The following SORCS1 variants were observed in gnomAD, a reference collection of about 807,000 sequenced individuals.
SORCS1 encodes sortilin related VPS10 domain containing receptor 1.
SORCS1 carries 60 observed loss-of-function variants against 146.1 expected under a neutral mutation model. The observed-to-expected ratio is 0.41, with a 90% CI of 0.33 to 0.51. The LOEUF (loss-of-function observed/expected upper bound fraction) is 0.51. SORCS1 is among the 20% of genes least tolerant of loss of function. SORCS1 has a pLI of 0.21. For missense variants in SORCS1, 1,352 were observed against 1,487.6 expected (o/e 0.91, Z 1.50); for synonymous variants, 637 against 584.0 (o/e 1.09, Z -1.31).
intron 1 of SORCS1, among the ~76,000 whole-genome samples, chr10:107,006,481 G>A (rs576863044): frequency 6.6e-5 from 10 of 152,324 alleles, no homozygotes; most frequent in African/African-American, 2.4e-4. Flanking sequence ...GTTTCTTTCT[G>A]GAAGGCAAAA....
intron 1 of SORCS1, among the ~76,000 whole-genome samples, chr10:106,978,033 T>C (rs1446520154): frequency 6.6e-6 from 1 of 152,186 alleles, no homozygotes; most frequent in African/African-American, 2.4e-5. Flanking sequence ...AACCTCTGCC[T>C]CCTGGGTTCA....
intron 22 of SORCS1, among the ~76,000 whole-genome samples, chr10:106,611,339 C>T (rs1465621341): frequency 6.6e-6 from 1 of 152,146 alleles, no homozygotes; most frequent in Non-Finnish European, 1.5e-5. Context: ...ACTTCAGTTG[C>T]CTCATCTACA....
At chr10:107,050,052 T>C (rs1213572759) in intron 1 of SORCS1, among the ~76,000 whole-genome samples, 1 of 152,210 alleles carries the variant, frequency 6.6e-6, no homozygotes, top group Non-Finnish European at 1.5e-5. Flanking sequence ...TCAAGGAATC[T>C]GGCCCACTAA....
chr10:106,757,062 T>C (rs146896911), intron 5 of SORCS1, among the ~76,000 whole-genome samples: 48 of 152,306 alleles, frequency 3.2e-4, no homozygotes, highest in Middle Eastern at 3.4e-3. Flanking sequence ...TTGTGTGCAG[T>C]AGGGTCTTGA....
chr10:107,089,989 C>T (rs1046502089), intron 1 of SORCS1, among the ~76,000 whole-genome samples: 1 of 152,164 alleles, frequency 6.6e-6, no homozygotes, highest in African/African-American at 2.4e-5. Flanking sequence ...AATGATCCAT[C>T]GACCCACCAA....
chr10:106,862,703 T>C (rs1409180158), intron 2 of SORCS1, among the ~76,000 whole-genome samples: 1 of 144,454 alleles, frequency 6.9e-6, no homozygotes, highest in East Asian at 2.1e-4. Context: ...CCCAGCACTT[T>C]GGGAGGCCGA....
intron 9 of SORCS1, among the ~76,000 whole-genome samples, chr10:106,697,508 C>T (rs17121228): frequency 0.024 from 3,631 of 151,968 alleles, 88 homozygotes; most frequent in East Asian, 0.089. Flanking sequence ...AAGAATGTCA[C>T]GTGGCTGCAC....
Position 106,576,153 on chromosome 10 carries a change from G to C in SORCS1, c.*1267C>G, listed in dbSNP as rs1288784928. 2 of 152,292 alleles carry C rather than the reference G, an allele frequency of 1.3e-5. No homozygotes were observed. Among genetic ancestry groups the C allele is most frequent in the Non-Finnish European group, 2.9e-5 (2 of 68,108 alleles). The allele number at this position is 152,292 out of a possible 1,614,324, so 9.4% of individuals were successfully genotyped here. On this transcript the variant is annotated 3_prime_UTR_variant, in exon 26 of 26. Coordinates refer to ENST00000263054, the MANE Select transcript of SORCS1 (RefSeq NM_052918.5). ...GGATATTTGAAAAAGGCAGGTTCTAGAGGAAAAGACAAAGATACATGAAAC... is the reference window on the plus strand; with the variant it reads ...GGATATTTGAAAAAGGCAGGTTCTACAGGAAAAGACAAAGATACATGAAAC...
intron 24 of SORCS1, among the ~76,000 whole-genome samples, chr10:106,595,607 G>A (rs1420896371): frequency 6.6e-6 from 1 of 152,092 alleles, no homozygotes; most frequent in African/African-American, 2.4e-5. Flanking sequence ...ATCCAATAAA[G>A]AAAAAAGATA....
rs142731969 is a variant in SORCS1 at position 106,904,867 on chromosome 10, C to T, written c.626+51646G>A. ...AGAAGTCAAATTACGTAATTAAACA[C>T]ATCTTAAATAAAAACAATGTTAGAA... On this transcript the variant is annotated intron_variant, in intron 2 of 25. Transcript: ENST00000263054. 2.1e-4 allele frequency among the ~76,000 whole-genome samples: 32 copies of T among 152,218 alleles called. No individual in the cohort carries two copies. In the East Asian group the frequency reaches 4.6e-3, roughly 22 times the overall value.
chr10:106,979,891 C>A (rs947423704), intron 1 of SORCS1, among the ~76,000 whole-genome samples: 1 of 152,212 alleles, frequency 6.6e-6, no homozygotes, highest in African/African-American at 2.4e-5. Flanking sequence ...TTGTCAGCTC[C>A]TACCTCATTG....
At chr10:107,025,035 T>A (rs536300000) in intron 1 of SORCS1, among the ~76,000 whole-genome samples, 2 of 152,278 alleles carry the variant, frequency 1.3e-5, no homozygotes, top group South Asian at 2.1e-4. Flanking sequence ...AACCACAAAA[T>A]CACCTGATGT....
At chr10:107,120,487 G>A (rs1365839531) in intron 1 of SORCS1, among the ~76,000 whole-genome samples, 1 of 152,152 alleles carries the variant, frequency 6.6e-6, no homozygotes, top group African/African-American at 2.4e-5. Flanking sequence ...ACAAGTAAGA[G>A]GACATCGAGA....
chr10:106,782,874 C>T (rs1156479850), intron 3 of SORCS1, among the ~76,000 whole-genome samples: 1 of 152,202 alleles, frequency 6.6e-6, no homozygotes, highest in African/African-American at 2.4e-5. Context: ...GACTTCTGTT[C>T]CACAGGAAGA....
intron 25 of SORCS1, 83 bp downstream of exon 25, chr10:106,579,286 C>A (rs1307537514): frequency 6.2e-7 from 1 of 1,614,100 alleles, no homozygotes. Context: ...CTGCTATGCA[C>A]ATCACTGTAA....
intron 18 of SORCS1, among the ~76,000 whole-genome samples, chr10:106,634,177 C>A (rs1384872964): frequency 2.0e-5 from 3 of 152,168 alleles, no homozygotes; most frequent in Non-Finnish European, 4.4e-5. Context: ...CCAAGATTAG[C>A]AAACTTCGCT....
At chr10:106,660,811 C>A (rs1195409888) in intron 17 of SORCS1, among the ~76,000 whole-genome samples, 1 of 151,158 alleles carries the variant, frequency 6.6e-6, no homozygotes, top group Non-Finnish European at 1.5e-5. Flanking sequence ...GCAGTAAGAA[C>A]TGTCTTTGTA....
chr10:107,015,988 A>C (rs1032071547), intron 1 of SORCS1, among the ~76,000 whole-genome samples: 5 of 145,500 alleles, frequency 3.4e-5, no homozygotes, highest in African/African-American at 7.4e-5. Flanking sequence ...AAATAAAACA[A>C]ATGTTTAAAA....
chr10:107,131,842 T>C (rs1391512281), intron 1 of SORCS1, among the ~76,000 whole-genome samples: 1 of 152,194 alleles, frequency 6.6e-6, no homozygotes, highest in African/African-American at 2.4e-5. Flanking sequence ...GTCAATCCAC[T>C]TTACAGACTG....
Sources: gnomAD v4.1 joint callset for allele counts (sites outside exome capture counted in the v4.1 genomes callset) on GRCh38, gnomAD v4.1.1 for gene constraint, MANE v1.5 for transcripts, NCBI Gene and HGNC (gene_info 2026-07-23, HGNC 2026-07-21) for gene names.